Variants in LRMDA observed in about 807,000 individuals in gnomAD.
LRMDA encodes leucine rich melanocyte differentiation associated.
Under a neutral mutation model 29.8 loss-of-function variants are expected in LRMDA, and 18 were observed. The observed-to-expected ratio is 0.60, with a 90% confidence interval of 0.42 to 0.90. LRMDA has a LOEUF of 0.90. LRMDA is among the 40% of genes least tolerant of loss of function. The pLI is 0.00. For synonymous variants in LRMDA, 125 were observed against 109.4 expected (o/e 1.14, Z -0.89); for missense variants, 273 against 273.9 (o/e 1.00, Z 0.02).
rs945349577 is a variant in LRMDA at position 76,470,743 on chromosome 10, G to A, written c.602-86466G>A. 4.6e-5 allele frequency among the ~76,000 whole-genome samples: 7 copies of A among 152,132 alleles called. No homozygotes were observed. In the East Asian group the frequency reaches 1.4e-3, roughly 29 times the overall value. On this transcript the variant is annotated intron_variant, in intron 6 of 6. Transcript: ENST00000611255. The stretch of plus-strand genomic sequence containing the variant: ...GAATAGAGGTTAACAAGGACTGGTA[G>A]CAGAAGGGAAGAGTGAGGACTTGCC...
At position 75,575,958 on chromosome 10, in the gene LRMDA, C is replaced by T. The variant is rs980588644; in HGVS notation, c.131+137464C>T. Among the ~76,000 whole-genome samples, 66 of 151,610 alleles carry T rather than the reference C, an allele frequency of 4.4e-4. 1 individual carries two copies. Among genetic ancestry groups the T allele is most frequent in the African/African-American group, 1.5e-3 (63 of 41,044 alleles). Reference sequence around the variant, plus strand: ...GCCGTTTGGGCAGACACCGAGCTAGCCACAGGAGTTTTTTTTTTTTTTTCA... The same window carrying T: ...GCCGTTTGGGCAGACACCGAGCTAGTCACAGGAGTTTTTTTTTTTTTTTCA... On this transcript the variant is annotated intron_variant, in intron 2 of 6. Transcript: ENST00000611255.
intron 6 of LRMDA, chr10:76,536,070 C>T (rs1351960838): frequency 6.6e-6 from 1 of 152,198 alleles, no homozygotes; most frequent in African/African-American, 2.4e-5. Flanking sequence ...AGTCACTGCA[C>T]CTGGCATATA....
chr10:76,226,636 A>G (rs1851963647), intron 5 of LRMDA, among the ~76,000 whole-genome samples: 2 of 152,278 alleles, frequency 1.3e-5, no homozygotes, highest in South Asian at 2.1e-4. Flanking sequence ...GTGATAAATC[A>G]CTATCACAAG....
intron 6 of LRMDA, among the ~76,000 whole-genome samples, chr10:76,488,483 G>GTA (rs1842804195): frequency 6.7e-6 from 1 of 148,512 alleles, no homozygotes; most frequent in African/African-American, 2.5e-5. Flanking sequence ...AACCATGTGT[G>GTA]TATCAATAGT....
At chr10:76,058,613 C>T in intron 4 of LRMDA, 53 bp from the exon 5 acceptor site, 1 of 1,424,748 alleles carries the variant, frequency 7.0e-7, no homozygotes, top group Non-Finnish European at 9.9e-7. Flanking sequence ...CTGTCGGGAT[C>T]TCTGAGGCTG....
intron 2 of LRMDA, among the ~76,000 whole-genome samples, chr10:76,026,491 T>C (rs1369626098): frequency 6.6e-6 from 1 of 152,214 alleles, no homozygotes. Context: ...AAGACTATAA[T>C]AGGGCATATT....
chr10:76,041,230 G>A (rs1359169442), intron 3 of LRMDA, among the ~76,000 whole-genome samples: 2 of 152,176 alleles, frequency 1.3e-5, no homozygotes, highest in Non-Finnish European at 1.5e-5. Flanking sequence ...AAGGATCTGA[G>A]GTACAGCACA....
At chr10:76,033,210 C>T (rs1848180783) in intron 2 of LRMDA, among the ~76,000 whole-genome samples, 1 of 152,176 alleles carries the variant, frequency 6.6e-6, no homozygotes, top group African/African-American at 2.4e-5. Flanking sequence ...GTGCCCCAGC[C>T]CTCAGCTCTG....
Position 76,543,356 on chromosome 10 carries a change from GTGTGT to G in LRMDA, c.602-13852_602-13848del, listed in dbSNP as rs1241260918. ...TGTGTGTGTGTGTGTGTGTGTGTGTGTGTGTAGAGAGTGATGATAAGAAGGGATTT... is the reference window on the plus strand; with the variant it reads ...TGTGTGTGTGTGTGTGTGTGTGTGTGAGAGAGTGATGATAAGAAGGGATTT... On this transcript the variant is annotated intron_variant, in intron 6 of 6. Transcript: ENST00000611255. 6.6e-4 allele frequency among the ~76,000 whole-genome samples: 87 copies of G among 132,078 alleles called. 1 individual carries two copies. The South Asian group carries it at 0.012, about 18-fold the overall frequency. The allele number at this position is 132,078 out of a possible 152,430, so 86.6% of individuals were successfully genotyped here. A position where few individuals can be genotyped will look rare whatever the true frequency, so the allele number is the denominator to read the frequency against.
At chr10:75,913,451 G>A (rs989515485) in intron 2 of LRMDA, among the ~76,000 whole-genome samples, 2 of 152,108 alleles carry the variant, frequency 1.3e-5, no homozygotes, top group Non-Finnish European at 2.9e-5. Flanking sequence ...GCGAGACTCC[G>A]TCTTGGGGGG....
chr10:76,221,227 T>C (rs1351432809), intron 5 of LRMDA, among the ~76,000 whole-genome samples: 1 of 152,164 alleles, frequency 6.6e-6, no homozygotes, highest in South Asian at 2.1e-4. Flanking sequence ...AGGGATGCCC[T>C]CTCTCACCAC....
chr10:75,558,053 G>A (rs541711554), intron 2 of LRMDA, among the ~76,000 whole-genome samples: 4 of 152,024 alleles, frequency 2.6e-5, no homozygotes, highest in East Asian at 1.9e-4. Flanking sequence ...CTGCTTCATC[G>A]GACAAACAAC....
At chr10:75,712,865 T>C (rs1444747900) in intron 2 of LRMDA, among the ~76,000 whole-genome samples, 1 of 152,004 alleles carries the variant, frequency 6.6e-6, no homozygotes, top group East Asian at 1.9e-4. Flanking sequence ...GCTGATTATT[T>C]CCAATAAGTT....
chr10:75,733,288 T>C (rs1842721284), intron 2 of LRMDA, among the ~76,000 whole-genome samples: 1 of 152,200 alleles, frequency 6.6e-6, no homozygotes, highest in African/African-American at 2.4e-5. Context: ...TTATTGTGAT[T>C]ACTATTATTC....
At chr10:75,794,649 G>T (rs1181867252) in intron 2 of LRMDA, among the ~76,000 whole-genome samples, 1 of 152,126 alleles carries the variant, frequency 6.6e-6, no homozygotes, top group Non-Finnish European at 1.5e-5. Context: ...GTATGAAATG[G>T]TATCTCACTG....
intron 5 of LRMDA, among the ~76,000 whole-genome samples, chr10:76,311,257 T>G (rs557445117): frequency 6.6e-6 from 1 of 152,318 alleles, no homozygotes; most frequent in South Asian, 2.1e-4. Flanking sequence ...GCTAATGCTC[T>G]GTACTTTAAT....
intron 2 of LRMDA, among the ~76,000 whole-genome samples, chr10:75,950,451 C>T (rs1487092780): frequency 6.6e-6 from 1 of 152,240 alleles, no homozygotes; most frequent in Non-Finnish European, 1.5e-5. Flanking sequence ...ATGTCATAGA[C>T]AGCTCTGTTC....
At position 76,045,395 on chromosome 10, in the gene LRMDA, CCCCCTCTCTTGTTAGTTT is replaced by C. The variant is rs1220464432; in HGVS notation, c.259-1757_259-1740del. 8.0e-3 allele frequency among the ~76,000 whole-genome samples: 1,163 copies of C among 146,224 alleles called. 12 individuals are homozygous for C. Among genetic ancestry groups the C allele is most frequent in the African/African-American group, 0.028 (1,094 of 39,354 alleles). On this transcript the variant is annotated intron_variant, in intron 3 of 6. Coordinates refer to ENST00000611255, the MANE Select transcript of LRMDA (RefSeq NM_001305581.2). ...GTTAGTTTCCTTCTCTTGCTAGTTT[CCCCCTCTCTTGTTAGTTT>C]CCCCTCTCTTGGTAGTTTCCCCCTC...
intron 6 of LRMDA, among the ~76,000 whole-genome samples, chr10:76,352,902 C>T (rs1841194981): frequency 6.6e-6 from 1 of 152,028 alleles, no homozygotes; most frequent in East Asian, 1.9e-4. Context: ...CCTTGAAATC[C>T]TACTTTGGTG....
Sources: allele counts gnomAD v4.1 joint callset (sites outside exome capture counted in the v4.1 genomes callset), GRCh38; gene constraint gnomAD v4.1.1; transcripts MANE v1.5; gene names NCBI Gene and HGNC (gene_info 2026-07-23, HGNC 2026-07-21).